YPEL2: variants seen among roughly 807,000 people sequenced by gnomAD.
YPEL2 encodes yippee like 2, also known as protein yippee-like 2.
YPEL2 carries 2 observed loss-of-function variants against 19.1 expected under a neutral mutation model. The observed-to-expected ratio is 0.10, with a 90% CI of 0.04 to 0.33. The LOEUF (loss-of-function observed/expected upper bound fraction) is 0.33, where lower values mean the gene tolerates loss of function less well. Among genes scored for constraint, YPEL2 ranks in the 10% least tolerant of loss-of-function variants. The pLI is 1.00. For synonymous variants in YPEL2, 52 were observed against 50.0 expected (o/e 1.04, Z -0.17); for missense variants, 66 against 140.7 (o/e 0.47, Z 2.68).
At chr17:59,337,245 T>C (rs2047703865) in intron 1 of YPEL2, among the ~76,000 whole-genome samples, 1 of 148,676 alleles carries the variant, frequency 6.7e-6, no homozygotes, top group Admixed American at 6.8e-5. Flanking sequence ...GGGAGTGCAG[T>C]GGTGCAATCT....
intron 2 of YPEL2, among the ~76,000 whole-genome samples, chr17:59,370,639 CCT>C (rs1178923449): frequency 6.6e-6 from 1 of 152,182 alleles, no homozygotes; most frequent in Non-Finnish European, 1.5e-5. Context: ...CAGGTAACCC[CCT>C]GTTCCTGGCG....
intron 3 of YPEL2, chr17:59,388,716 C>CA: frequency 3.4e-6 from 1 of 298,398 alleles, no homozygotes; most frequent in Non-Finnish European, 6.2e-6. Context: ...AAAAAGACAC[C>CA]AAGATCTGCT....
intron 1 of YPEL2, among the ~76,000 whole-genome samples, chr17:59,339,370 C>T (rs1043552739): frequency 1.3e-5 from 2 of 152,204 alleles, no homozygotes; most frequent in Non-Finnish European, 2.9e-5. Context: ...TAACTGCAGC[C>T]TTAAAGCTAA....
At chr17:59,388,399 G>A (rs1448024349) in intron 3 of YPEL2, 29 bp downstream of exon 3, 5 of 1,610,908 alleles carry the variant, frequency 3.1e-6, no homozygotes, top group Non-Finnish European at 4.2e-6. Flanking sequence ...TACATTCCTT[G>A]TGGGGTACAG....
At chr17:59,388,465 C>G in intron 3 of YPEL2, 95 bp downstream of exon 3, 2 of 1,241,142 alleles carry the variant, frequency 1.6e-6, no homozygotes, top group Non-Finnish European at 2.4e-6. Context: ...GAACCCTGCC[C>G]TGTCTGCCAC....
At chr17:59,338,136 A>G (rs2047708904) in intron 1 of YPEL2, among the ~76,000 whole-genome samples, 3 of 152,152 alleles carry the variant, frequency 2.0e-5, no homozygotes, top group Admixed American at 2.0e-4. Flanking sequence ...TCTTAAAAGC[A>G]GTGTGTCTAG....
chr17:59,334,549 C>G (rs1042168716), intron 1 of YPEL2, among the ~76,000 whole-genome samples: 1 of 146,774 alleles, frequency 6.8e-6, no homozygotes, highest in Non-Finnish European at 1.5e-5. Context: ...GTTTCTGATG[C>G]TGTTATCTGC....
At chr17:59,388,951 A>T (rs1236123898) in intron 3 of YPEL2, 2 of 221,836 alleles carry the variant, frequency 9.0e-6, no homozygotes, top group African/African-American at 4.5e-5. Flanking sequence ...TCATTCCTGT[A>T]TCAGGACCAC....
At chr17:59,396,763 C>A (rs1380152654) in intron 4 of YPEL2, among the ~76,000 whole-genome samples, 2 of 152,186 alleles carry the variant, frequency 1.3e-5, no homozygotes, top group African/African-American at 4.8e-5. Flanking sequence ...TATGGTGGCT[C>A]ACACCTGTAA....
chr17:59,333,086 T>C (rs1792882592), intron 1 of YPEL2, among the ~76,000 whole-genome samples: 3 of 152,212 alleles, frequency 2.0e-5, no homozygotes, highest in South Asian at 2.1e-4. Context: ...TGATTTCACA[T>C]GGTTATTGCT....
At chr17:59,394,954 C>T (rs2048030850) in intron 4 of YPEL2, among the ~76,000 whole-genome samples, 1 of 152,196 alleles carries the variant, frequency 6.6e-6, no homozygotes. Context: ...TCAGGCGTGG[C>T]GGCACGCGCC....
At position 59,397,098 on chromosome 17, in the gene YPEL2, T is replaced by C; in HGVS notation, c.271-3T>C. On this transcript the variant is annotated splice_region_variant and splice_polypyrimidine_tract_variant and intron_variant, in intron 4 of 4. Coordinates refer to ENST00000312655, the MANE Select transcript of YPEL2 (RefSeq NM_001005404.4). ...ATCTCTTCTCTGCTTCTGTATTTCC[T>C]AGGAACATGCTTTTGAAAGCAGCCA... is the stretch of plus-strand genomic sequence containing the variant. The C allele has an allele frequency of 6.2e-7, 1 of 1,605,004 alleles. No individual in the cohort carries two copies. The highest frequency in any genetic ancestry group is 8.5e-7 in the Non-Finnish European group (1 of 1,176,120).
chr17:59,336,246 T>C (rs1449231627), intron 1 of YPEL2, among the ~76,000 whole-genome samples: 1 of 152,228 alleles, frequency 6.6e-6, no homozygotes, highest in African/African-American at 2.4e-5. Context: ...CTTGCACTAT[T>C]TCTGCTTTTC....
At chr17:59,377,269 T>C (rs1341174526) in intron 2 of YPEL2, among the ~76,000 whole-genome samples, 1 of 152,230 alleles carries the variant, frequency 6.6e-6, no homozygotes, top group Non-Finnish European at 1.5e-5. Context: ...TTATCCTTTT[T>C]AACTCTAACA....
At chr17:59,383,957 A>G (rs1050959131) in intron 2 of YPEL2, among the ~76,000 whole-genome samples, 1 of 152,058 alleles carries the variant, frequency 6.6e-6, no homozygotes, top group Non-Finnish European at 1.5e-5. Context: ...GCGATAATGA[A>G]TTAAGCTGTG....
In YPEL2 at chr17:59,333,249, G is replaced by T. The variant is rs145104137; in HGVS notation, c.-196+1425G>T. ...GGCCCAGCCTGGGGAGAGCTGTGCAGACTTCCCCCTTGGCACCATCCCCTG... is the reference window on the plus strand; with the variant it reads ...GGCCCAGCCTGGGGAGAGCTGTGCATACTTCCCCCTTGGCACCATCCCCTG... On this transcript the variant is annotated intron_variant, in intron 1 of 4. Transcript: ENST00000312655. 2.0e-3 allele frequency among the ~76,000 whole-genome samples: 300 copies of T among 152,338 alleles called. 1 individual carries two copies. The highest frequency in any genetic ancestry group is 6.8e-3 in the African/African-American group (282 of 41,580).
chr17:59,374,022 T>G (rs1365324655), intron 2 of YPEL2, among the ~76,000 whole-genome samples: 1 of 152,250 alleles, frequency 6.6e-6, no homozygotes. Flanking sequence ...AGGCATCTAT[T>G]CTCTTGAGAA....
intron 1 of YPEL2, among the ~76,000 whole-genome samples, chr17:59,349,173 CAAAAAAAAAAAAA>C (rs57129006): frequency 1.2e-4 from 7 of 57,512 alleles, no homozygotes; most frequent in Admixed American, 4.2e-4. Flanking sequence ...GACTCCGTCT[CAAAAAAAAAAAAA>C]AAAAAAAAAA....
At chr17:59,339,127 A>G (rs1275865863) in intron 1 of YPEL2, among the ~76,000 whole-genome samples, 1 of 35,554 alleles carries the variant, frequency 2.8e-5, no homozygotes, top group Non-Finnish European at 6.2e-5. Flanking sequence ...CCCCACCCCA[A>G]CGCCTTGTTT....
Sources: allele counts gnomAD v4.1 joint callset (sites outside exome capture counted in the v4.1 genomes callset), GRCh38; gene constraint gnomAD v4.1.1; transcripts MANE v1.5; gene names NCBI Gene and HGNC (gene_info 2026-07-23, HGNC 2026-07-21).